The following NIBAN1 variants were observed in gnomAD, a reference collection of about 807,000 sequenced individuals.
NIBAN1 encodes niban apoptosis regulator 1, also known as protein Niban 1.
NIBAN1 carries 81 observed loss-of-function variants against 75.1 expected under a neutral mutation model. The ratio of observed to expected loss-of-function variants is 1.08; its 90% CI spans 0.90 to 1.30. NIBAN1 has a LOEUF of 1.30. NIBAN1 is among the 50% of genes most tolerant of loss of function. NIBAN1 has a pLI of 0.00. For synonymous variants in NIBAN1, 436 were observed against 424.8 expected, an observed-to-expected ratio of 1.03 and a Z score of -0.32; for missense variants, 1,133 against 1,128.1, an observed-to-expected ratio of 1.00 and a Z score of -0.06.
intron 5 of NIBAN1, among the ~76,000 whole-genome samples, chr1:184,839,248 AC>A (rs1197224555): frequency 6.6e-6 from 1 of 152,200 alleles, no homozygotes; most frequent in African/African-American, 2.4e-5. Context: ...ATGGCCACTT[AC>A]CTCTAAAGTC....
At chr1:184,934,968 G>A (rs1178910829) in intron 1 of NIBAN1, among the ~76,000 whole-genome samples, 1 of 152,196 alleles carries the variant, frequency 6.6e-6, no homozygotes, top group African/African-American at 2.4e-5. Context: ...TACCCAGGAG[G>A]CTGAGACAGG....
intron 13 of NIBAN1, 55 bp from the exon 14 acceptor site, chr1:184,796,152 G>A (rs1045524351): frequency 1.4e-6 from 2 of 1,479,012 alleles, no homozygotes; most frequent in African/African-American, 1.4e-5. Flanking sequence ...AGAAGCCAAA[G>A]TCCCCTTTCA....
chr1:184,816,734 C>T (rs944281823), intron 9 of NIBAN1, among the ~76,000 whole-genome samples: 3 of 152,044 alleles, frequency 2.0e-5, no homozygotes, highest in Non-Finnish European at 4.4e-5. Flanking sequence ...CCTTGCAAAA[C>T]CCACTGTTCT....
At chr1:184,903,094 T>C (rs234674) in intron 1 of NIBAN1, among the ~76,000 whole-genome samples, 65,443 of 152,094 alleles carry the variant, frequency 0.43, 14,208 homozygotes, top group East Asian at 0.53. Context: ...CATATCCCTG[T>C]CACCAAATTT....
intron 5 of NIBAN1, among the ~76,000 whole-genome samples, chr1:184,838,313 T>C (rs1253496641): frequency 1.3e-5 from 2 of 152,134 alleles, no homozygotes; most frequent in African/African-American, 4.8e-5. Flanking sequence ...GTCCCCTGAG[T>C]CTCTTATACC....
intron 1 of NIBAN1, among the ~76,000 whole-genome samples, chr1:184,959,454 TCTG>T (rs1658574345): frequency 6.6e-6 from 1 of 152,228 alleles, no homozygotes; most frequent in African/African-American, 2.4e-5. Flanking sequence ...ACCATCTTTG[TCTG>T]CTAATTTCGC....
chr1:184,825,381 G>A (rs941545546), intron 6 of NIBAN1, among the ~76,000 whole-genome samples: 5 of 152,026 alleles, frequency 3.3e-5, no homozygotes, highest in East Asian at 1.9e-4. Flanking sequence ...TCTAATATAC[G>A]ATGATTGCTT....
intron 1 of NIBAN1, among the ~76,000 whole-genome samples, chr1:184,917,111 T>C (rs1389044279): frequency 6.6e-6 from 1 of 152,160 alleles, no homozygotes; most frequent in Non-Finnish European, 1.5e-5. Context: ...TGCTGTGCGC[T>C]TGGCTCCGCT....
intron 5 of NIBAN1, among the ~76,000 whole-genome samples, chr1:184,864,057 G>A (rs1655885593): frequency 6.6e-6 from 1 of 152,160 alleles, no homozygotes; most frequent in South Asian, 2.1e-4. Flanking sequence ...TAATCCTTTA[G>A]TTGTCAGGCT....
At chr1:184,802,230 G>A (rs1654064772) in intron 12 of NIBAN1, among the ~76,000 whole-genome samples, 1 of 152,116 alleles carries the variant, frequency 6.6e-6, no homozygotes, top group Non-Finnish European at 1.5e-5. Flanking sequence ...AGGCTCTTTT[G>A]AAATCAATGC....
intron 8 of NIBAN1, among the ~76,000 whole-genome samples, chr1:184,819,850 G>A (rs1300411831): frequency 1.3e-5 from 2 of 152,198 alleles, no homozygotes; most frequent in South Asian, 2.1e-4. Context: ...CAGGAGCAGG[G>A]CTAACATTCA....
At chr1:184,938,471 C>T (rs1658014808) in intron 1 of NIBAN1, among the ~76,000 whole-genome samples, 1 of 151,574 alleles carries the variant, frequency 6.6e-6, no homozygotes, top group African/African-American at 2.4e-5. Context: ...CCCTTTCTTC[C>T]TTCCTTTCAT....
chr1:184,927,732 T>C (rs560257960), intron 1 of NIBAN1, among the ~76,000 whole-genome samples: 1 of 152,136 alleles, frequency 6.6e-6, no homozygotes, highest in South Asian at 2.1e-4. Flanking sequence ...TGTGTCCTTA[T>C]TTTCAGAATG....
At chr1:184,804,104 C>T (rs78100400) in intron 11 of NIBAN1, among the ~76,000 whole-genome samples, 1,659 of 152,238 alleles carry the variant, frequency 0.011, 28 homozygotes, top group East Asian at 0.056. Flanking sequence ...GAAGAGAAGG[C>T]CTGGCTAGTG....
At chr1:184,834,405 C>T (rs1248150579) in intron 5 of NIBAN1, among the ~76,000 whole-genome samples, 2 of 152,152 alleles carry the variant, frequency 1.3e-5, no homozygotes, top group Admixed American at 6.5e-5. Context: ...AATGGTATTC[C>T]TAGTTCTAGA....
At chr1:184,820,250 C>G (rs1054668761) in intron 8 of NIBAN1, among the ~76,000 whole-genome samples, 8 of 152,070 alleles carry the variant, frequency 5.3e-5, no homozygotes, top group African/African-American at 1.9e-4. Context: ...CAGAACAATG[C>G]TGAACATGGG....
intron 5 of NIBAN1, among the ~76,000 whole-genome samples, chr1:184,868,796 C>A (rs1179800386): frequency 6.6e-6 from 1 of 152,136 alleles, no homozygotes; most frequent in Non-Finnish European, 1.5e-5. Flanking sequence ...TAAGTACCTG[C>A]TGACTGAGAA....
At chr1:184,840,998 A>C (rs1246382037) in intron 5 of NIBAN1, among the ~76,000 whole-genome samples, 1 of 151,458 alleles carries the variant, frequency 6.6e-6, no homozygotes, top group Non-Finnish European at 1.5e-5. Context: ...ATAGTTATTA[A>C]ATTTTCTTTA....
chr1:184,809,490 CCT>C, intron 9 of NIBAN1, among the ~76,000 whole-genome samples: 1 of 152,066 alleles, frequency 6.6e-6, no homozygotes, highest in Non-Finnish European at 1.5e-5. Flanking sequence ...AAATTTAAAT[CCT>C]TTTTTTTGAA....
Sources: allele counts gnomAD v4.1 joint callset (sites outside exome capture counted in the v4.1 genomes callset), GRCh38; gene constraint gnomAD v4.1.1; transcripts MANE v1.5; gene names NCBI Gene and HGNC (gene_info 2026-07-23, HGNC 2026-07-21).